Variants in HPF1 observed in about 807,000 individuals in gnomAD.
HPF1 encodes UPF0609 protein C4orf27.
In HPF1, 35 loss-of-function variants were observed where a neutral mutation model predicts 38.8. The ratio of observed to expected loss-of-function variants is 0.90; its 90% CI spans 0.69 to 1.19. The LOEUF (loss-of-function observed/expected upper bound fraction) is 1.19, where lower values mean the gene tolerates loss of function less well. Among genes scored for constraint, HPF1 ranks in the 50% most tolerant of loss-of-function variants. The probability of loss-of-function intolerance (pLI) is 0.00; values close to 1 mark genes in which losing one functional copy is unlikely to be tolerated. For missense variants in HPF1, 367 were observed against 405.8 expected (o/e 0.90, Z 0.82); for synonymous variants, 115 against 139.2 (o/e 0.83, Z 1.22).
intron 4 of HPF1, among the ~76,000 whole-genome samples, chr4:169,742,771 C>G (rs1342923527): frequency 7.9e-5 from 12 of 151,618 alleles, no homozygotes; most frequent in Admixed American, 2.6e-4. Context: ...CAGCCTGGGC[C>G]ACAGAGCAAG....
At chr4:169,731,631 T>C (rs939816456) in intron 7 of HPF1, 73 bp downstream of exon 7, 292 of 1,145,278 alleles carry the variant, frequency 2.5e-4, no homozygotes, top group Non-Finnish European at 3.2e-4. Flanking sequence ...CACGTATTCA[T>C]GTGTGGATGT....
At chr4:169,754,274 G>A (rs1734155128) in intron 1 of HPF1, among the ~76,000 whole-genome samples, 1 of 152,138 alleles carries the variant, frequency 6.6e-6, no homozygotes, top group African/African-American at 2.4e-5. Flanking sequence ...GCAACTTCTA[G>A]AGTTGTGTCT....
chr4:169,743,114 T>G (rs1345208792), intron 4 of HPF1, among the ~76,000 whole-genome samples: 1 of 149,374 alleles, frequency 6.7e-6, no homozygotes, highest in Admixed American at 6.7e-5. Context: ...AACAAAAAAC[T>G]GTCTTTTTTT....
intron 4 of HPF1, among the ~76,000 whole-genome samples, chr4:169,745,583 G>A (rs1271342223): frequency 1.3e-5 from 2 of 152,170 alleles, no homozygotes; most frequent in East Asian, 3.9e-4. Context: ...ACTTCAGTAT[G>A]AGAAATGCTT....
chr4:169,743,305 T>C (rs572813980), intron 4 of HPF1, among the ~76,000 whole-genome samples: 1 of 151,730 alleles, frequency 6.6e-6, no homozygotes, highest in Non-Finnish European at 1.5e-5. Context: ...AGACAGGGTT[T>C]CCTCATGTTG....
chr4:169,732,080 A>T (rs949901926), intron 6 of HPF1: 10 of 479,182 alleles, frequency 2.1e-5, no homozygotes, highest in Admixed American at 7.7e-5. Context: ...GCTTAAAAAC[A>T]GGTTAACAAG....
In HPF1 at chr4:169,735,932, T is replaced by TAAAA. The variant is rs36044065; in HGVS notation, c.736+1724_736+1727dup. Among the ~76,000 whole-genome samples, 454 of 105,630 alleles carry TAAAA rather than the reference T, an allele frequency of 4.3e-3. 4 individuals carry two copies. Among genetic ancestry groups the TAAAA allele is most frequent in the African/African-American group, 0.014 (439 of 32,126 alleles). 69.3% of individuals were successfully genotyped at this position (105,630 alleles called of 152,430 possible). On this transcript the variant is annotated intron_variant, in intron 6 of 7. Transcript: ENST00000393381. ...AAACAGGTGGGGCAGGAGAAGGAGC[T>TAAAA]AAAAAAAAAAAAAAAAACCAACAAC...
At position 169,729,599 on chromosome 4, in the gene HPF1, G is replaced by A; in HGVS notation, c.1020C>T (p.Asn340=). 2 of 1,578,486 alleles carry A rather than the reference G, an allele frequency of 1.3e-6. No individual in the cohort carries two copies. Among genetic ancestry groups the A allele is most frequent in the Non-Finnish European group, 1.7e-6 (2 of 1,163,636 alleles). Residue 340 remains asparagine, a synonymous_variant, in exon 8 of 8, where the codon AAC becomes AAT. Transcript: ENST00000393381. ...EEHLANRSQE[N]IDQLAA is the part of the protein sequence containing the mutation. Reference sequence around the variant, plus strand: ...TTACTCATGCAGCAAGTTGGTCTATGTTCTCTTGACTTCTGTTTGCCAGAT... The same window carrying A: ...TTACTCATGCAGCAAGTTGGTCTATATTCTCTTGACTTCTGTTTGCCAGAT...
At chr4:169,731,498 A>G (rs560363273) in intron 7 of HPF1, among the ~76,000 whole-genome samples, 5 of 152,336 alleles carry the variant, frequency 3.3e-5, no homozygotes, top group Middle Eastern at 3.4e-3. Flanking sequence ...TTGCCAGAAT[A>G]TAAGATGAGT....
chr4:169,745,846 C>T (rs2150291936), intron 4 of HPF1, among the ~76,000 whole-genome samples: 1 of 152,268 alleles, frequency 6.6e-6, no homozygotes, highest in Admixed American at 6.5e-5. Flanking sequence ...ATGACTGCTG[C>T]TACCCTGGTG....
chr4:169,733,616 C>T lies in HPF1; in HGVS notation c.737-1740G>A, dbSNP rs189177059. Among the ~76,000 whole-genome samples the T allele has an allele frequency of 9.1e-4, 139 of 152,250 alleles. 1 individual carries two copies. The highest frequency in any genetic ancestry group is 1.5e-3 in the Non-Finnish European group (100 of 68,012). On this transcript the variant is annotated intron_variant, in intron 6 of 7. Transcript: ENST00000393381. The stretch of plus-strand genomic sequence containing the variant: ...ATGATATTACCAGGGACGGGCTGAG[C>T]GCAGTGGCTCACGCCTGTAATCCTA...
At chr4:169,736,103 G>A (rs1040288054) in intron 6 of HPF1, among the ~76,000 whole-genome samples, 1 of 151,778 alleles carries the variant, frequency 6.6e-6, no homozygotes, top group Non-Finnish European at 1.5e-5. Context: ...TACAGGCCAG[G>A]TTCGGTGGCT....
chr4:169,747,785 A>G (rs1734067969), intron 4 of HPF1, among the ~76,000 whole-genome samples: 1 of 152,188 alleles, frequency 6.6e-6, no homozygotes, highest in Admixed American at 6.5e-5. Context: ...AAGAGATACC[A>G]CATGGAGGCT....
chr4:169,750,411 A>G, intron 3 of HPF1, 125 bp downstream of exon 3: 1 of 627,388 alleles, frequency 1.6e-6, no homozygotes, highest in East Asian at 2.8e-5. Flanking sequence ...AGAACAACAG[A>G]TGGCTCATAT....
chr4:169,734,746 A>G (rs895185195), intron 6 of HPF1, among the ~76,000 whole-genome samples: 3 of 152,316 alleles, frequency 2.0e-5, no homozygotes, highest in African/African-American at 7.2e-5. Context: ...CAACTAGAAT[A>G]CTTAAATTAA....
chr4:169,736,405 T>C (rs920125036), intron 6 of HPF1, among the ~76,000 whole-genome samples: 5 of 147,914 alleles, frequency 3.4e-5, no homozygotes, highest in African/African-American at 1.2e-4. Context: ...GAGTTACAAA[T>C]TTTGTTGCAG....
At chr4:169,736,324 C>T (rs143479409) in intron 6 of HPF1, among the ~76,000 whole-genome samples, 33 of 144,432 alleles carry the variant, frequency 2.3e-4, no homozygotes, top group African/African-American at 8.2e-4. Context: ...TGCACCACTG[C>T]GCTCCGTCCT....
At chr4:169,740,387 C>T (rs1224444003) in intron 5 of HPF1, among the ~76,000 whole-genome samples, 3 of 152,164 alleles carry the variant, frequency 2.0e-5, no homozygotes, top group East Asian at 1.9e-4. Flanking sequence ...AAAGACTCTG[C>T]ATTCCAAAGT....
chr4:169,757,835 GC>G lies in HPF1; in HGVS notation c.42del (p.Pro15ArgfsTer9). The G allele has an allele frequency of 6.4e-7, 1 of 1,562,392 alleles. No individual in the cohort carries two copies. On this transcript the variant is annotated frameshift_variant, in exon 1 of 8. Transcript: ENST00000393381. LOFTEE classifies it high-confidence loss of function. ...CACAGCCTTTCCGGCAGTACCTGCG[GC>G]CCCTCTCCGCCGGGCCTGCGCTTCC... is the stretch of plus-strand genomic sequence containing the variant. ...GGGKRRPGGE[G>X]PQCEKTTDVK...
Sources: allele counts gnomAD v4.1 joint callset (sites outside exome capture counted in the v4.1 genomes callset), GRCh38; gene constraint gnomAD v4.1.1; transcripts MANE v1.5; gene names NCBI Gene and HGNC (gene_info 2026-07-23, HGNC 2026-07-21).